CSMD1: variants seen among roughly 807,000 people sequenced by gnomAD.
The protein encoded by CSMD1 is CUB and Sushi multiple domains 1, also known as CUB and sushi domain-containing protein 1.
In CSMD1, 213 loss-of-function variants were observed where a neutral mutation model predicts 417.5. The observed-to-expected ratio is 0.51, with a 90% CI of 0.46 to 0.57. The LOEUF (loss-of-function observed/expected upper bound fraction) is 0.57, where lower values mean the gene tolerates loss of function less well. Among genes scored for constraint, CSMD1 ranks in the 20% least tolerant of loss-of-function variants. CSMD1 has a pLI of 0.00. For synonymous variants in CSMD1, 2,862 were observed against 1,736.8 expected, an observed-to-expected ratio of 1.65 and a Z score of -16.11; for missense variants, 6,923 against 4,529.7, an observed-to-expected ratio of 1.53 and a Z score of -15.17.
intron 37 of CSMD1, among the ~76,000 whole-genome samples, chr8:3,166,390 C>G (rs868800697): frequency 6.6e-6 from 1 of 151,926 alleles, no homozygotes; most frequent in South Asian, 2.1e-4. Context: ...AAAAAGTACC[C>G]GGGCGTGGTG....
At chr8:3,166,804 G>A (rs7822051) in intron 37 of CSMD1, among the ~76,000 whole-genome samples, 43,888 of 151,942 alleles carry the variant, frequency 0.29, 9,068 homozygotes, top group African/African-American at 0.59. Context: ...CTCACAAAAC[G>A]TAACTATGAT....
intron 2 of CSMD1, among the ~76,000 whole-genome samples, chr8:4,635,921 C>A (rs1802787118): frequency 6.6e-6 from 1 of 151,614 alleles, no homozygotes. Context: ...CTACTAAAAA[C>A]AGATAATAGA....
intron 26 of CSMD1, among the ~76,000 whole-genome samples, chr8:3,270,116 C>T (rs1204794600): frequency 7.8e-6 from 1 of 128,636 alleles, no homozygotes; most frequent in Non-Finnish European, 1.6e-5. Context: ...GTGGCACTGT[C>T]TTGGCCCACT....
chr8:3,266,048 G>A (rs148221649), intron 26 of CSMD1, among the ~76,000 whole-genome samples: 54 of 151,946 alleles, frequency 3.6e-4, no homozygotes, highest in African/African-American at 1.2e-3. Flanking sequence ...TGGAAATAGA[G>A]AGCTTTGAAG....
chr8:4,507,728 A>G (rs908545963), intron 2 of CSMD1, among the ~76,000 whole-genome samples: 1 of 152,216 alleles, frequency 6.6e-6, no homozygotes, highest in Non-Finnish European at 1.5e-5. Flanking sequence ...TTTCAAGCTA[A>G]GAGGTAGATC....
intron 1 of CSMD1, among the ~76,000 whole-genome samples, chr8:4,651,214 G>A (rs547727160): frequency 2.0e-5 from 3 of 152,042 alleles, no homozygotes; most frequent in Non-Finnish European, 4.4e-5. Context: ...ATAAACTTAA[G>A]AATATTAAAT....
chr8:3,979,187 C>T (rs1486841087), intron 5 of CSMD1, among the ~76,000 whole-genome samples: 1 of 152,204 alleles, frequency 6.6e-6, no homozygotes, highest in Non-Finnish European at 1.5e-5. Context: ...AGCACACTAA[C>T]AGACAGGGAC....
chr8:3,477,312 C>G (rs866063047), intron 11 of CSMD1, among the ~76,000 whole-genome samples: 1 of 152,124 alleles, frequency 6.6e-6, no homozygotes, highest in African/African-American at 2.4e-5. Context: ...ACAATGGAAA[C>G]GTAAAGCCTG....
At chr8:4,042,986 G>C (rs146067969) in intron 3 of CSMD1, among the ~76,000 whole-genome samples, 1 of 151,664 alleles carries the variant, frequency 6.6e-6, no homozygotes, top group African/African-American at 2.4e-5. Flanking sequence ...AAAAAAATTA[G>C]CTGGGTGTGG....
chr8:4,090,457 G>A (rs1470084133), intron 3 of CSMD1, among the ~76,000 whole-genome samples: 1 of 151,970 alleles, frequency 6.6e-6, no homozygotes, highest in African/African-American at 2.4e-5. Context: ...AAATACATGG[G>A]AAGGTTTTAA....
At chr8:3,124,716 C>G (rs1360290642) in intron 41 of CSMD1, among the ~76,000 whole-genome samples, 1 of 152,162 alleles carries the variant, frequency 6.6e-6, no homozygotes, top group Non-Finnish European at 1.5e-5. Flanking sequence ...GTTCAGACCA[C>G]AGGACGTTCA....
intron 20 of CSMD1, among the ~76,000 whole-genome samples, chr8:3,362,880 T>G (rs976806850): frequency 6.6e-6 from 1 of 152,334 alleles, no homozygotes; most frequent in East Asian, 1.9e-4. Context: ...GCTGGGATTA[T>G]TGTGTAACAT....
At chr8:3,833,574 GT>G (rs1309379927) in intron 5 of CSMD1, among the ~76,000 whole-genome samples, 1 of 151,676 alleles carries the variant, frequency 6.6e-6, no homozygotes, top group African/African-American at 2.4e-5. Flanking sequence ...CAACTTTTTT[GT>G]TTTTCATAAT....
chr8:4,452,328 G>C (rs866103606), intron 2 of CSMD1, among the ~76,000 whole-genome samples: 2 of 152,148 alleles, frequency 1.3e-5, no homozygotes, highest in South Asian at 2.1e-4. Flanking sequence ...GTTTTTGAAA[G>C]CAATGGCTCT....
At chr8:3,974,865 T>C (rs1813325260) in intron 5 of CSMD1, among the ~76,000 whole-genome samples, 1 of 152,138 alleles carries the variant, frequency 6.6e-6, no homozygotes, top group South Asian at 2.1e-4. Flanking sequence ...AATCAGGTGT[T>C]ATCATAATTT....
At chr8:4,226,067 GACACACACACAC>G (rs67767005) in intron 3 of CSMD1, among the ~76,000 whole-genome samples, 58 of 143,600 alleles carry the variant, frequency 4.0e-4, no homozygotes, top group Middle Eastern at 3.6e-3. Context: ...CTGACAGGCG[GACACACACACAC>G]ACACACACAC....
At chr8:4,142,269 TCTTGG>T (rs1165423151) in intron 3 of CSMD1, among the ~76,000 whole-genome samples, 2 of 151,186 alleles carry the variant, frequency 1.3e-5, no homozygotes, top group African/African-American at 2.5e-5. Flanking sequence ...TTCCTTCTAC[TCTTGG>T]TATAAGGTAA....
chr8:4,062,676 G>A (rs1799038455), intron 3 of CSMD1, among the ~76,000 whole-genome samples: 1 of 151,614 alleles, frequency 6.6e-6, no homozygotes, highest in Non-Finnish European at 1.5e-5. Context: ...GATTCCTTGT[G>A]CAAGACCCAT....
chr8:3,110,242 A>C lies in CSMD1; in HGVS notation c.6524T>G (p.Leu2175Arg), dbSNP rs755962011. The C allele has an allele frequency of 2.5e-6, 4 of 1,613,394 alleles. No homozygotes were observed. Among genetic ancestry groups the C allele is most frequent in the Non-Finnish European group, 3.4e-6 (4 of 1,179,648 alleles). ...TCCGTGCCCTGGAGGCACCGTGATG[A>C]GCCAAATGCAGTCCTTCAGGATCGG... ...EYPILKDCIW[L>R]ITVPPGHGVY... is the part of the protein sequence containing the mutation. Residue 2175 changes from leucine (L) to arginine (R), a missense_variant, in exon 43 of 70, where the codon CTC (leucine) becomes CGC (arginine). Leu to Arg is a moderately radical substitution (Grantham distance 102). Transcript: ENST00000635120.
Sources: gnomAD v4.1 joint callset for allele counts (sites outside exome capture counted in the v4.1 genomes callset) on GRCh38, gnomAD v4.1.1 for gene constraint, MANE v1.5 for transcripts, NCBI Gene and HGNC (gene_info 2026-07-23, HGNC 2026-07-21) for gene names.